CCDC3: variants seen among roughly 807,000 people sequenced by gnomAD.
CCDC3 encodes the protein coiled-coil domain containing 3, also known as coiled-coil domain-containing protein 3.
CCDC3 carries 24 observed loss-of-function variants against 21.4 expected under a neutral mutation model. The ratio of observed to expected loss-of-function variants is 1.12; its 90% confidence interval spans 0.81 to 1.58. The LOEUF is 1.58. CCDC3 is among the 40% of genes most tolerant of loss of function. The pLI is 0.00. For synonymous variants in CCDC3, 186 were observed against 166.0 expected (o/e 1.12, Z -0.93); for missense variants, 425 against 360.9 (o/e 1.18, Z -1.44).
intron 3 of CCDC3, among the ~76,000 whole-genome samples, chr10:13,089,725 T>G (rs949609527): frequency 2.0e-5 from 3 of 151,902 alleles, no homozygotes; most frequent in Admixed American, 2.0e-4. Flanking sequence ...AGGTGGTGTT[T>G]GGTTACAGGG....
At chr10:12,983,915 A>C (rs761782248) in intron 2 of CCDC3, among the ~76,000 whole-genome samples, 4 of 152,166 alleles carry the variant, frequency 2.6e-5, no homozygotes, top group Non-Finnish European at 2.9e-5. Flanking sequence ...CCCTGTCTCT[A>C]CTAAAAATAC....
chr10:12,908,756 C>T (rs951976506), intron 2 of CCDC3, among the ~76,000 whole-genome samples: 1 of 151,994 alleles, frequency 6.6e-6, no homozygotes. Flanking sequence ...CCATGCCCGG[C>T]TACTTTTTGT....
chr10:13,040,687 T>TCACTCACACACACA (rs1554763772), intron 5 of CCDC3, among the ~76,000 whole-genome samples: 1 of 142,752 alleles, frequency 7.0e-6, no homozygotes, highest in African/African-American at 2.6e-5. Context: ...CAAAACTCTG[T>TCACTCACACACACA]CACACACACA....
chr10:12,921,478 C>G (rs1053936648), intron 2 of CCDC3, among the ~76,000 whole-genome samples: 16 of 152,186 alleles, frequency 1.1e-4, no homozygotes, highest in African/African-American at 3.4e-4. Context: ...GAAGCTCTGT[C>G]TCACTGTCAC....
intron 2 of CCDC3, among the ~76,000 whole-genome samples, chr10:12,950,312 G>A (rs547451953): frequency 6.6e-6 from 1 of 152,316 alleles, no homozygotes; most frequent in Non-Finnish European, 1.5e-5. Context: ...AAGAGTTCAA[G>A]CTAACAGGAA....
chr10:13,089,162 T>G lies in CCDC3; in HGVS notation c.-503+9363A>C, dbSNP rs1286962416. ...ACCATATAAAATACATCTTAGAGCT[T>G]ACAGATAGTGGCTAACTCTTTAGAA... On this transcript the variant is annotated intron_variant, in intron 3 of 6. Transcript: ENST00000378839. 2.0e-5 allele frequency among the ~76,000 whole-genome samples: 3 copies of G among 152,198 alleles called. No individual in the cohort carries two copies. In the East Asian group the frequency reaches 5.8e-4, roughly 29 times the overall value.
At chr10:13,043,264 A>G (rs1156266019) in intron 5 of CCDC3, among the ~76,000 whole-genome samples, 1 of 152,066 alleles carries the variant, frequency 6.6e-6, no homozygotes, top group Non-Finnish European at 1.5e-5. Flanking sequence ...TACCATCCTT[A>G]TGTCCATGAG....
intron 4 of CCDC3, among the ~76,000 whole-genome samples, chr10:13,060,338 A>C (rs747123002): frequency 3.3e-5 from 5 of 152,086 alleles, no homozygotes; most frequent in Non-Finnish European, 7.4e-5. Flanking sequence ...TGCACAGAGT[A>C]AGAAGAGGAG....
chr10:12,912,410 T>C (rs1413136029), intron 2 of CCDC3, among the ~76,000 whole-genome samples: 2 of 152,226 alleles, frequency 1.3e-5, no homozygotes, highest in Admixed American at 6.5e-5. Flanking sequence ...TGTTGACCAT[T>C]TGTATGTCGT....
intron 2 of CCDC3, among the ~76,000 whole-genome samples, chr10:12,964,386 AAGAG>A (rs912071848): frequency 1.3e-5 from 2 of 151,102 alleles, no homozygotes; most frequent in African/African-American, 4.9e-5. Flanking sequence ...GAAAAAAAAA[AAGAG>A]AGAGAATGAC....
chr10:13,093,351 A>G (rs1319215372), intron 3 of CCDC3, among the ~76,000 whole-genome samples: 1 of 152,122 alleles, frequency 6.6e-6, no homozygotes, highest in Non-Finnish European at 1.5e-5. Flanking sequence ...TGAGAACAGT[A>G]TGGAGGAAAA....
At chr10:12,909,849 G>C (rs1834238496) in intron 2 of CCDC3, among the ~76,000 whole-genome samples, 1 of 152,142 alleles carries the variant, frequency 6.6e-6, no homozygotes, top group South Asian at 2.1e-4. Flanking sequence ...CAGGGTCTAG[G>C]GTATTGGGTA....
intron 2 of CCDC3, among the ~76,000 whole-genome samples, chr10:12,922,066 A>G (rs1178192152): frequency 6.6e-6 from 1 of 152,056 alleles, no homozygotes; most frequent in East Asian, 1.9e-4. Context: ...ATTCAGTAGC[A>G]TTAAGGACAT....
chr10:13,086,131 T>C (rs1454183868), intron 3 of CCDC3, among the ~76,000 whole-genome samples: 2 of 152,130 alleles, frequency 1.3e-5, no homozygotes, highest in African/African-American at 4.8e-5. Context: ...AACTTCCATA[T>C]GTTCTTAGGC....
intron 2 of CCDC3, among the ~76,000 whole-genome samples, chr10:12,930,035 G>A (rs1228333174): frequency 6.6e-6 from 1 of 152,172 alleles, no homozygotes; most frequent in Non-Finnish European, 1.5e-5. Context: ...TAAAATTGCA[G>A]TTCAGGCATC....
chr10:12,997,242 GAA>G (rs35942622), intron 2 of CCDC3, among the ~76,000 whole-genome samples: 4,402 of 144,220 alleles, frequency 0.031, 203 homozygotes, highest in African/African-American at 0.098. Flanking sequence ...TTCGTTAATG[GAA>G]AAAAAAAAAA....
At chr10:13,015,172 A>G (rs777950115) in intron 5 of CCDC3, among the ~76,000 whole-genome samples, 1 of 152,038 alleles carries the variant, frequency 6.6e-6, no homozygotes, top group Non-Finnish European at 1.5e-5. Context: ...TTGGTCATTC[A>G]CTTTGTTTCA....
At chr10:12,984,869 A>G (rs186695058) in intron 2 of CCDC3, among the ~76,000 whole-genome samples, 16 of 152,298 alleles carry the variant, frequency 1.1e-4, no homozygotes, top group African/African-American at 3.8e-4. Context: ...TAGAGACAGA[A>G]ATAGACTAGC....
At position 13,032,798 on chromosome 10, in the gene CCDC3, C is replaced by T. The variant is rs1276336957; in HGVS notation, c.-2+16876G>A. On this transcript the variant is annotated intron_variant, in intron 5 of 6. Transcript: ENST00000378839. The stretch of plus-strand genomic sequence containing the variant: ...CCAACTTACAAGGGATGTGAAGGAC[C>T]TCTTCAAGAAGAACTACAAAACACT... Among the ~76,000 whole-genome samples the T allele has an allele frequency of 2.6e-5, 4 of 152,252 alleles. No homozygotes were observed. In the East Asian group the frequency reaches 7.7e-4, roughly 29 times the overall value.
Sources: allele counts gnomAD v4.1 joint callset (sites outside exome capture counted in the v4.1 genomes callset), GRCh38; gene constraint gnomAD v4.1.1; transcripts MANE v1.5; gene names NCBI Gene and HGNC (gene_info 2026-07-23, HGNC 2026-07-21).